SNTG1: variants seen among roughly 807,000 people sequenced by gnomAD.
SNTG1 encodes the protein gamma-1-syntrophin.
SNTG1 carries 39 observed loss-of-function variants against 74.7 expected under a neutral mutation model. The ratio of observed to expected loss-of-function variants is 0.52; its 90% CI spans 0.40 to 0.68. The LOEUF is 0.68. SNTG1 is among the 30% of genes least tolerant of loss of function. The pLI is 0.00. For missense variants in SNTG1, 685 were observed against 609.5 expected, an observed-to-expected ratio of 1.12 and a Z score of -1.30; for synonymous variants, 254 against 217.1, an observed-to-expected ratio of 1.17 and a Z score of -1.49.
intron 2 of SNTG1, among the ~76,000 whole-genome samples, chr8:50,328,827 G>T (rs11997557): frequency 0.059 from 9,002 of 152,176 alleles, 303 homozygotes; most frequent in Non-Finnish European, 0.071. Flanking sequence ...GTCCCAAAAA[G>T]TCTTAACTTA....
chr8:50,488,089 T>C (rs1425753753), intron 8 of SNTG1, among the ~76,000 whole-genome samples: 1 of 152,216 alleles, frequency 6.6e-6, no homozygotes, highest in Non-Finnish European at 1.5e-5. Context: ...TTGTTTTCTG[T>C]ATCTAGGTAG....
At chr8:50,757,730 T>G (rs931794690) in intron 18 of SNTG1, among the ~76,000 whole-genome samples, 5 of 152,106 alleles carry the variant, frequency 3.3e-5, no homozygotes, top group African/African-American at 1.2e-4. Context: ...CCTTGTGAAT[T>G]TATTGCCCTT....
At chr8:50,341,895 T>C (rs767499058) in intron 2 of SNTG1, among the ~76,000 whole-genome samples, 10 of 152,042 alleles carry the variant, frequency 6.6e-5, no homozygotes, top group Non-Finnish European at 1.3e-4. Flanking sequence ...TTTTGAACTA[T>C]GCCAGAAAAT....
chr8:49,927,437 A>C (rs552463859), intron 1 of SNTG1, among the ~76,000 whole-genome samples: 1 of 152,232 alleles, frequency 6.6e-6, no homozygotes, highest in Non-Finnish European at 1.5e-5. Flanking sequence ...TAAATGAGTT[A>C]TTAAGCCATG....
At chr8:50,605,432 G>A (rs78179772) in intron 13 of SNTG1, among the ~76,000 whole-genome samples, 2,169 of 152,282 alleles carry the variant, frequency 0.014, 91 homozygotes, top group East Asian at 0.11. Context: ...TATCTGGGAT[G>A]GGTAATTCCT....
intron 18 of SNTG1, among the ~76,000 whole-genome samples, chr8:50,771,448 T>C (rs969188373): frequency 2.6e-5 from 4 of 152,112 alleles, no homozygotes; most frequent in Non-Finnish European, 5.9e-5. Context: ...AACTGCATGG[T>C]TGCATTTAAC....
intron 1 of SNTG1, among the ~76,000 whole-genome samples, chr8:50,150,125 A>T (rs966248198): frequency 6.6e-6 from 1 of 151,962 alleles, no homozygotes; most frequent in Non-Finnish European, 1.5e-5. Flanking sequence ...TGTAAGTTGG[A>T]TTCCTAGGTA....
intron 17 of SNTG1, among the ~76,000 whole-genome samples, chr8:50,710,938 G>A (rs2095459810): frequency 2.0e-5 from 3 of 152,118 alleles, no homozygotes; most frequent in African/African-American, 7.2e-5. Flanking sequence ...TAACTTCAAG[G>A]TAATCTCAGA....
At chr8:50,456,265 T>G (rs969330529) in intron 8 of SNTG1, among the ~76,000 whole-genome samples, 3 of 152,220 alleles carry the variant, frequency 2.0e-5, no homozygotes, top group African/African-American at 7.2e-5. Context: ...TGTCCTCTTA[T>G]TTTTTGAGTG....
chr8:50,601,645 T>C (rs1015331015), intron 13 of SNTG1, among the ~76,000 whole-genome samples: 3 of 152,230 alleles, frequency 2.0e-5, no homozygotes, highest in African/African-American at 7.2e-5. Flanking sequence ...TCATTTGTTC[T>C]AAAGTGCAAG....
At chr8:50,739,634 G>A (rs2095538052) in intron 17 of SNTG1, among the ~76,000 whole-genome samples, 1 of 151,850 alleles carries the variant, frequency 6.6e-6, no homozygotes, top group African/African-American at 2.4e-5. Flanking sequence ...ATTGTTGGGT[G>A]CAGCAAACCA....
At chr8:50,641,729 T>C (rs1585929472) in intron 13 of SNTG1, among the ~76,000 whole-genome samples, 2 of 152,218 alleles carry the variant, frequency 1.3e-5, no homozygotes, top group East Asian at 3.9e-4. Context: ...TCCATGCATT[T>C]GACACAGCTA....
At chr8:50,622,096 G>A (rs904284921) in intron 13 of SNTG1, among the ~76,000 whole-genome samples, 2 of 152,022 alleles carry the variant, frequency 1.3e-5, no homozygotes, top group Admixed American at 6.6e-5. Context: ...TTCCTCATAG[G>A]TATTGCATCT....
intron 2 of SNTG1, among the ~76,000 whole-genome samples, chr8:50,193,246 G>C (rs186498188): frequency 6.6e-6 from 1 of 152,142 alleles, no homozygotes; most frequent in African/African-American, 2.4e-5. Context: ...TGGCAGTATG[G>C]TCATTTTCAC....
chr8:50,657,002 C>G lies in SNTG1; in HGVS notation c.943C>G (p.Leu315Val), dbSNP rs1218638428. 11 of 1,560,056 alleles carry G rather than the reference C, an allele frequency of 7.1e-6. No homozygotes were observed. The change falls in exon 14 of 19, where the codon CTC (leucine) becomes GTC (valine). Residue 315 changes from leucine (L) to valine (V), a missense_variant. By Grantham distance (32) the Leu-to-Val change is conservative. Transcript: ENST00000642720. ...PTFLALRGSCLYKFLAPPVTT... is the reference protein window; with the variant it reads ...PTFLALRGSCVYKFLAPPVTT... ...CTTCCTGGCCCTGAGGGGCTCATGT[C>G]TCTACAAGTTTCTGGCACCTCCAGT...
At chr8:50,702,935 A>T (rs966818171) in intron 15 of SNTG1, among the ~76,000 whole-genome samples, 28 of 150,110 alleles carry the variant, frequency 1.9e-4, no homozygotes, top group African/African-American at 2.4e-4. Flanking sequence ...TAAAAGATTT[A>T]AAAAAAAAAT....
At chr8:50,513,165 G>A (rs1283172932) in intron 9 of SNTG1, among the ~76,000 whole-genome samples, 1 of 152,184 alleles carries the variant, frequency 6.6e-6, no homozygotes, top group Non-Finnish European at 1.5e-5. Context: ...GTCTGTTGGA[G>A]TTTGCTGGAG....
chr8:50,676,159 T>G (rs2095308906), intron 15 of SNTG1, among the ~76,000 whole-genome samples: 1 of 152,052 alleles, frequency 6.6e-6, no homozygotes, highest in South Asian at 2.1e-4. Context: ...CTGCATTTCC[T>G]GAATTTGCAT....
chr8:50,640,400 CTT>C (rs964096846), intron 13 of SNTG1, among the ~76,000 whole-genome samples: 1 of 152,172 alleles, frequency 6.6e-6, no homozygotes, highest in African/African-American at 2.4e-5. Flanking sequence ...TGAAAGCTGG[CTT>C]TCCTGCGGAG....
Sources: gnomAD v4.1 joint callset for allele counts (sites outside exome capture counted in the v4.1 genomes callset) on GRCh38, gnomAD v4.1.1 for gene constraint, MANE v1.5 for transcripts, NCBI Gene and HGNC (gene_info 2026-07-23, HGNC 2026-07-21) for gene names.